ZBTB16: variants seen among roughly 807,000 people sequenced by gnomAD.
The protein encoded by ZBTB16 is zinc finger and BTB domain-containing protein 16.
Under a neutral mutation model 56.8 loss-of-function variants are expected in ZBTB16, and 8 were observed. The observed-to-expected ratio is 0.14, with a 90% CI of 0.08 to 0.25. The LOEUF is 0.25. ZBTB16 is among the 10% of genes least tolerant of loss of function. The pLI is 1.00. For synonymous variants in ZBTB16, 363 were observed against 368.5 expected, an observed-to-expected ratio of 0.98 and a Z score of 0.17; for missense variants, 625 against 903.0, an observed-to-expected ratio of 0.69 and a Z score of 3.95.
At chr11:114,237,819 C>A (rs1392501320) in intron 4 of ZBTB16, among the ~76,000 whole-genome samples, 1 of 152,174 alleles carries the variant, frequency 6.6e-6, no homozygotes, top group Non-Finnish European at 1.5e-5. Flanking sequence ...ATCTCCCCCA[C>A]TTTTCCATTT....
At chr11:114,112,627 A>C (rs1941048233) in intron 2 of ZBTB16, among the ~76,000 whole-genome samples, 1 of 152,196 alleles carries the variant, frequency 6.6e-6, no homozygotes, top group South Asian at 2.1e-4. Flanking sequence ...TCTCTACTTG[A>C]GGAGACCTTT....
chr11:114,164,510 G>A (rs537934610), intron 3 of ZBTB16, among the ~76,000 whole-genome samples: 2 of 152,332 alleles, frequency 1.3e-5, no homozygotes, highest in East Asian at 3.9e-4. Context: ...GCTGGTCCTT[G>A]TTATTGTCTG....
chr11:114,148,469 CTCTTTCTT>C lies in ZBTB16; in HGVS notation c.1269-7847_1269-7840del, dbSNP rs1555144000. ...TCTCTGTCTGTCTGTCTCTCTCTCTCTCTTTCTTTCTTTCTTTCTTTCTTTCTTCTTTC... is the reference window on the plus strand; with the variant it reads ...TCTCTGTCTGTCTGTCTCTCTCTCTCTCTTTCTTTCTTTCTTTCTTCTTTC... On this transcript the variant is annotated intron_variant, in intron 2 of 6. Transcript: ENST00000335953. Among the ~76,000 whole-genome samples the C allele has an allele frequency of 2.6e-4, 16 of 60,970 alleles. 2 individuals carry two copies. Among genetic ancestry groups the C allele is most frequent in the African/African-American group, 5.4e-4 (10 of 18,410 alleles). 40.0% of individuals were successfully genotyped at this position (60,970 alleles called of 152,430 possible).
chr11:114,085,383 C>T (rs995310458), intron 2 of ZBTB16, among the ~76,000 whole-genome samples: 9 of 152,182 alleles, frequency 5.9e-5, no homozygotes, highest in African/African-American at 1.7e-4. Context: ...AAAGCATTTA[C>T]TGAGCATCAC....
At chr11:114,134,061 C>T (rs1317176644) in intron 2 of ZBTB16, among the ~76,000 whole-genome samples, 1 of 152,158 alleles carries the variant, frequency 6.6e-6, no homozygotes, top group Non-Finnish European at 1.5e-5. Flanking sequence ...CTGGTTGTGT[C>T]TCAACACTGG....
At position 114,246,460 on chromosome 11, in the gene ZBTB16, C is replaced by T. The variant is rs930154667; in HGVS notation, c.1625-738C>T. Among the ~76,000 whole-genome samples the T allele has an allele frequency of 2.7e-5, 4 of 146,788 alleles. No homozygotes were observed. In the South Asian group the frequency reaches 6.3e-4, roughly 23 times the overall value. On this transcript the variant is annotated intron_variant, in intron 5 of 6. Coordinates refer to ENST00000335953, the MANE Select transcript of ZBTB16 (RefSeq NM_006006.6). ...AGTTTGTTGCCATGATCATCTGATGCGATCACATCACACATCTGAGTGCTC... is the reference window on the plus strand; with the variant it reads ...AGTTTGTTGCCATGATCATCTGATGTGATCACATCACACATCTGAGTGCTC...
intron 4 of ZBTB16, among the ~76,000 whole-genome samples, chr11:114,237,974 T>C (rs146840017): frequency 6.6e-6 from 1 of 152,294 alleles, no homozygotes; most frequent in East Asian, 1.9e-4. Flanking sequence ...CCCTGCACCT[T>C]GTGGAATGTC....
chr11:114,118,771 G>C (rs1941252611), intron 2 of ZBTB16, among the ~76,000 whole-genome samples: 1 of 152,160 alleles, frequency 6.6e-6, no homozygotes, highest in Admixed American at 6.5e-5. Flanking sequence ...TGTTGAGTGA[G>C]GGGTTATGAA....
intron 4 of ZBTB16, among the ~76,000 whole-genome samples, chr11:114,220,126 G>A (rs1334477343): frequency 6.6e-6 from 1 of 152,212 alleles, no homozygotes; most frequent in Non-Finnish European, 1.5e-5. Flanking sequence ...GAGGGGTCGA[G>A]TTAAGAGGGT....
chr11:114,071,590 C>G (rs1017318612), intron 2 of ZBTB16, among the ~76,000 whole-genome samples: 7 of 152,194 alleles, frequency 4.6e-5, no homozygotes, highest in Non-Finnish European at 1.0e-4. Flanking sequence ...AGGAGAGAAA[C>G]TTTTCCAATC....
intron 2 of ZBTB16, among the ~76,000 whole-genome samples, chr11:114,069,038 G>C (rs1461734254): frequency 6.6e-6 from 1 of 152,162 alleles, no homozygotes; most frequent in Non-Finnish European, 1.5e-5. Context: ...AAGCACTTAG[G>C]TCAGCTGCAG....
chr11:114,160,135 C>T (rs973961988), intron 3 of ZBTB16, among the ~76,000 whole-genome samples: 5 of 152,290 alleles, frequency 3.3e-5, no homozygotes, highest in African/African-American at 1.2e-4. Context: ...CCCCTCTTGG[C>T]GAGCATTGCC....
rs773801156 is a variant in ZBTB16, at chr11:114,210,192, T to TGTGTGTGTGCGC, written c.1453+23155_1453+23156insTGTGTGTGCGCG. On this transcript the variant is annotated intron_variant, in intron 4 of 6. Transcript: ENST00000335953. ...GTGTGTGTGTGTGTGTGTGTGTGTG[T>TGTGTGTGTGCGC]GCGTGCGCGCGCGTGCACAGTTTGT... is the stretch of plus-strand genomic sequence containing the variant. Among the ~76,000 whole-genome samples the TGTGTGTGTGCGC allele has an allele frequency of 3.8e-4, 54 of 143,338 alleles. 1 individual carries two copies. The highest frequency in any genetic ancestry group is 7.3e-4 in the African/African-American group (29 of 39,490). The allele number at this position is 143,338 out of a possible 152,430, so 94.0% of individuals were successfully genotyped here.
At chr11:114,200,731 G>A (rs927357975) in intron 4 of ZBTB16, among the ~76,000 whole-genome samples, 10 of 152,136 alleles carry the variant, frequency 6.6e-5, no homozygotes, top group South Asian at 2.1e-4. Flanking sequence ...GTTTCCACTC[G>A]TCTCCCCTCG....
intron 2 of ZBTB16, among the ~76,000 whole-genome samples, chr11:114,096,708 C>T (rs533034875): frequency 2.1e-4 from 32 of 152,300 alleles, no homozygotes; most frequent in Admixed American, 1.8e-3. Context: ...AATGAGGAAA[C>T]TTGAGGGGTT....
intron 3 of ZBTB16, among the ~76,000 whole-genome samples, chr11:114,162,142 T>C (rs1288811181): frequency 1.3e-5 from 2 of 152,226 alleles, no homozygotes; most frequent in African/African-American, 4.8e-5. Context: ...CTGGGGCTTA[T>C]CACCTGGGAC....
At position 114,064,200 on chromosome 11, in the gene ZBTB16, G is replaced by A; in HGVS notation, c.900G>A (p.Glu300=). ...CTAGGGAGCTACACTATGGGCGAGA[G>A]GAGAGTGCCGAGCAGGTGCCACCCC... The part of the protein sequence containing the change: ...TSARELHYGR[E]ESAEQVPPPA... The change falls in exon 2 of 7, where the codon GAG becomes GAA. Residue 300 remains glutamate, a synonymous_variant. Coordinates refer to ENST00000335953, the MANE Select transcript of ZBTB16 (RefSeq NM_006006.6). The surrounding 1 kb of genome is among the most constrained non-coding windows in gnomAD (Gnocchi z 4.2). The A allele has an allele frequency of 6.2e-7, 1 of 1,613,998 alleles. No individual in the cohort carries two copies. The highest frequency in any genetic ancestry group is 1.1e-5 in the South Asian group (1 of 91,086).
intron 2 of ZBTB16, among the ~76,000 whole-genome samples, chr11:114,139,279 A>G (rs1565646118): frequency 6.6e-6 from 1 of 152,140 alleles, no homozygotes. Context: ...ACTGATCCCC[A>G]GTCCTGAAGG....
chr11:114,067,974 C>A (rs28567588), intron 2 of ZBTB16, among the ~76,000 whole-genome samples: 1 of 150,866 alleles, frequency 6.6e-6, no homozygotes, highest in East Asian at 2.0e-4. Context: ...TCTCTGTCTC[C>A]CCCCAACCCA....
Sources: gnomAD v4.1 joint callset for allele counts (sites outside exome capture counted in the v4.1 genomes callset) on GRCh38, gnomAD v4.1.1 for gene constraint, Gnocchi (gnomAD v3.1) non-coding constraint, MANE v1.5 for transcripts, NCBI Gene and HGNC (gene_info 2026-07-23, HGNC 2026-07-21) for gene names.